IKZF2: variants seen among roughly 807,000 people sequenced by gnomAD.
The protein encoded by IKZF2 is IKAROS family zinc finger 2, also known as zinc finger protein Helios.
In IKZF2, 15 loss-of-function variants were observed where a neutral mutation model predicts 49.2. That is an observed-to-expected ratio of 0.30 (90% CI 0.20 to 0.47). The LOEUF (loss-of-function observed/expected upper bound fraction) is 0.47, where lower values mean the gene tolerates loss of function less well. Ranked by LOEUF, IKZF2 falls within the 20% of genes least tolerant of loss-of-function variation. IKZF2 has a pLI of 1.00. For synonymous variants in IKZF2, 227 were observed against 221.4 expected (o/e 1.03, Z -0.23); for missense variants, 567 against 664.6 (o/e 0.85, Z 1.61).
At chr2:213,089,311 C>A (rs1246335754) in intron 4 of IKZF2, among the ~76,000 whole-genome samples, 1 of 152,186 alleles carries the variant, frequency 6.6e-6, no homozygotes, top group Non-Finnish European at 1.5e-5. Flanking sequence ...GGATACACCA[C>A]CATCTTTCAC....
At chr2:213,025,558 G>A (rs1398644748) in intron 6 of IKZF2, among the ~76,000 whole-genome samples, 3 of 152,118 alleles carry the variant, frequency 2.0e-5, no homozygotes, top group Non-Finnish European at 1.5e-5. Context: ...TGAGGAGAGA[G>A]ATCTTGTTTT....
chr2:213,060,783 G>A (rs1458365164), intron 4 of IKZF2, among the ~76,000 whole-genome samples: 1 of 151,422 alleles, frequency 6.6e-6, no homozygotes, highest in Non-Finnish European at 1.5e-5. Context: ...TACTTCAGTT[G>A]TAATGGCACT....
intron 6 of IKZF2, among the ~76,000 whole-genome samples, chr2:213,048,123 CTGGATG>C (rs1700339355): frequency 1.3e-5 from 2 of 152,184 alleles, no homozygotes; most frequent in South Asian, 4.2e-4. Flanking sequence ...GATGCAGTAG[CTGGATG>C]CCCCCTCTCC....
At chr2:213,075,689 T>G (rs1230389654) in intron 4 of IKZF2, among the ~76,000 whole-genome samples, 1 of 152,156 alleles carries the variant, frequency 6.6e-6, no homozygotes, top group Non-Finnish European at 1.5e-5. Context: ...CATTAATTGA[T>G]ATATACTGAC....
intron 4 of IKZF2, among the ~76,000 whole-genome samples, chr2:213,116,413 G>A (rs2059876601): frequency 6.6e-6 from 1 of 152,154 alleles, no homozygotes; most frequent in South Asian, 2.1e-4. Flanking sequence ...TTAGAACAAT[G>A]CCTAATACAC....
At chr2:213,053,203 A>C (rs1327552500) in intron 5 of IKZF2, among the ~76,000 whole-genome samples, 2 of 152,156 alleles carry the variant, frequency 1.3e-5, no homozygotes, top group African/African-American at 4.8e-5. Context: ...TAGGCACAAA[A>C]ATCTAGACTA....
At chr2:213,015,816 G>C (rs917261161) in intron 7 of IKZF2, among the ~76,000 whole-genome samples, 4 of 152,032 alleles carry the variant, frequency 2.6e-5, no homozygotes, top group South Asian at 2.1e-4. Context: ...TAAAAAACTA[G>C]CAAAACTGGT....
chr2:213,138,833 T>C (rs1345129507), intron 4 of IKZF2, among the ~76,000 whole-genome samples: 2 of 152,036 alleles, frequency 1.3e-5, no homozygotes, highest in Admixed American at 6.6e-5. Flanking sequence ...TTCATGAGAC[T>C]GGTTTGGTGT....
At chr2:213,051,738 T>G (rs1042483089) in intron 5 of IKZF2, among the ~76,000 whole-genome samples, 1 of 151,944 alleles carries the variant, frequency 6.6e-6, no homozygotes, top group Non-Finnish European at 1.5e-5. Context: ...AATTAAATTT[T>G]TAAAGAAAAA....
At chr2:213,066,331 G>C (rs1702159063) in intron 4 of IKZF2, among the ~76,000 whole-genome samples, 1 of 152,024 alleles carries the variant, frequency 6.6e-6, no homozygotes, top group South Asian at 2.1e-4. Context: ...GCAACAGAGG[G>C]AGGGAGGAGC....
chr2:213,038,203 G>C (rs952505300), intron 6 of IKZF2, among the ~76,000 whole-genome samples: 3 of 151,846 alleles, frequency 2.0e-5, no homozygotes, highest in African/African-American at 7.3e-5. Context: ...GAACTACAGG[G>C]GCCTGCCACC....
At chr2:213,041,606 C>T (rs2125271455) in intron 6 of IKZF2, among the ~76,000 whole-genome samples, 1 of 152,264 alleles carries the variant, frequency 6.6e-6, no homozygotes. Context: ...CCGGCCACAA[C>T]TTGACTGTAA....
At chr2:213,038,820 AACG>A (rs1699316370) in intron 6 of IKZF2, among the ~76,000 whole-genome samples, 1 of 152,226 alleles carries the variant, frequency 6.6e-6, no homozygotes, top group African/African-American at 2.4e-5. Context: ...AATTTAAAGA[AACG>A]ATGTGATTGT....
At position 213,098,566 on chromosome 2, in the gene IKZF2, CAA is replaced by C. The variant is rs374200690; in HGVS notation, c.140-41469_140-41468del. Among the ~76,000 whole-genome samples the C allele has an allele frequency of 5.1e-4, 78 of 152,164 alleles. 1 individual carries two copies. The highest frequency in any genetic ancestry group is 1.7e-3 in the African/African-American group (71 of 41,520). On this transcript the variant is annotated intron_variant, in intron 4 of 8. Coordinates refer to ENST00000434687, the MANE Select transcript of IKZF2 (RefSeq NM_001387220.1). ...GAATCTGAAGAAAACAAAAAAATCT[CAA>C]AGTCTAACATAACTACTTTGCAATT... is the stretch of plus-strand genomic sequence containing the variant.
At chr2:213,036,708 T>C (rs1699066530) in intron 6 of IKZF2, among the ~76,000 whole-genome samples, 1 of 152,178 alleles carries the variant, frequency 6.6e-6, no homozygotes, top group Admixed American at 6.5e-5. Context: ...ATACCTTACA[T>C]AAAACTTTAA....
At position 213,008,002 on chromosome 2, in the gene IKZF2, C is replaced by T. The variant is rs150809952; in HGVS notation, c.939G>A (p.Gln313=). ...LTYEKEAELM[Q]SHMMDQAINN... ...TGATGGCTTGGTCCATCATATGAGA[C>T]TGCATCAGCTCAGCCTCCTTCTCAT... Residue 313 remains glutamine (Q), a synonymous_variant, in exon 9 of 9, where the codon CAG becomes CAA. Transcript: ENST00000434687. The T allele has an allele frequency of 1.7e-5, 27 of 1,613,260 alleles. No homozygotes were observed. The highest frequency in any genetic ancestry group is 1.6e-4 in the African/African-American group (12 of 74,886).
chr2:213,019,912 T>C (rs1697020418), intron 7 of IKZF2, among the ~76,000 whole-genome samples: 1 of 152,240 alleles, frequency 6.6e-6, no homozygotes, highest in African/African-American at 2.4e-5. Context: ...TTTGATTCTC[T>C]AAAAGTTCAA....
chr2:213,138,920 T>G (rs1399110689), intron 4 of IKZF2, among the ~76,000 whole-genome samples: 2 of 151,980 alleles, frequency 1.3e-5, no homozygotes, highest in African/African-American at 4.8e-5. Context: ...TAGGTGGTAG[T>G]GCTATTTTCC....
intron 4 of IKZF2, among the ~76,000 whole-genome samples, chr2:213,080,841 A>G (rs879777652): frequency 8.5e-5 from 13 of 152,068 alleles, no homozygotes; most frequent in Admixed American, 2.6e-4. Flanking sequence ...TATGGAAGGA[A>G]AAAAAAAGCT....
Sources: allele counts gnomAD v4.1 joint callset (sites outside exome capture counted in the v4.1 genomes callset), GRCh38; gene constraint gnomAD v4.1.1; transcripts MANE v1.5; gene names NCBI Gene and HGNC (gene_info 2026-07-23, HGNC 2026-07-21).